Variants in CDH12 observed in about 807,000 individuals in gnomAD.
CDH12 encodes cadherin 12, also known as cadherin-12.
Under a neutral mutation model 74.1 loss-of-function variants are expected in CDH12, and 41 were observed. The observed-to-expected ratio is 0.55, with a 90% CI of 0.43 to 0.72. The LOEUF is 0.72. Ranked by LOEUF, CDH12 falls within the 30% of genes least tolerant of loss-of-function variation. The probability of loss-of-function intolerance (pLI) is 0.00; values close to 1 mark genes in which losing one functional copy is unlikely to be tolerated. For synonymous variants in CDH12, 399 were observed against 355.0 expected (o/e 1.12, Z -1.39); for missense variants, 945 against 977.2 (o/e 0.97, Z 0.44).
At chr5:22,063,573 A>T (rs1741344137) in intron 5 of CDH12, among the ~76,000 whole-genome samples, 1 of 151,972 alleles carries the variant, frequency 6.6e-6, no homozygotes, top group Non-Finnish European at 1.5e-5. Flanking sequence ...TTCTTTTAAC[A>T]GACTAACTGA....
intron 1 of CDH12, among the ~76,000 whole-genome samples, chr5:22,757,796 A>G (rs2127049182): frequency 6.6e-6 from 1 of 152,306 alleles, no homozygotes; most frequent in East Asian, 1.9e-4. Context: ...GTCCCAAAAG[A>G]AATCCCCTAA....
intron 1 of CDH12, among the ~76,000 whole-genome samples, chr5:22,758,684 T>C (rs1415043023): frequency 2.0e-5 from 3 of 152,114 alleles, no homozygotes; most frequent in Non-Finnish European, 4.4e-5. Context: ...AATTGTAACA[T>C]CATATTTTCT....
intron 4 of CDH12, among the ~76,000 whole-genome samples, chr5:22,148,634 G>T (rs1747364253): frequency 6.6e-6 from 1 of 152,106 alleles, no homozygotes; most frequent in Admixed American, 6.5e-5. Context: ...GGTTCCTTCT[G>T]GAGCCTCTTA....
intron 4 of CDH12, among the ~76,000 whole-genome samples, chr5:22,156,059 GAT>G (rs929676051): frequency 6.6e-6 from 1 of 151,744 alleles, no homozygotes; most frequent in Admixed American, 6.6e-5. Context: ...TTTGCTTACT[GAT>G]ATATATATAT....
At chr5:21,844,865 C>T (rs1286912482) in intron 7 of CDH12, among the ~76,000 whole-genome samples, 1 of 152,102 alleles carries the variant, frequency 6.6e-6, no homozygotes, top group African/African-American at 2.4e-5. Flanking sequence ...CTTCTGCTAG[C>T]ATCTATTTGG....
intron 1 of CDH12, among the ~76,000 whole-genome samples, chr5:22,812,569 T>G (rs1749203420): frequency 6.6e-6 from 1 of 152,154 alleles, no homozygotes; most frequent in Non-Finnish European, 1.5e-5. Flanking sequence ...TGACAGTGTC[T>G]GAGTCTGACA....
At chr5:21,956,229 G>T (rs1274110111) in intron 6 of CDH12, among the ~76,000 whole-genome samples, 1 of 151,648 alleles carries the variant, frequency 6.6e-6, no homozygotes. Flanking sequence ...TGAAATACAG[G>T]TCAGTAGAAT....
In CDH12 at chr5:22,528,096, C is replaced by T. The variant is rs140082740; in HGVS notation, c.-522-22732G>A. On this transcript the variant is annotated intron_variant, in intron 1 of 14. Coordinates refer to ENST00000382254, the MANE Select transcript of CDH12 (RefSeq NM_004061.5). ...ACACTTTGTACCTAACCTTTAGGGC[C>T]CTGTATAGAATTCAGATTAGTTAGA... Among the ~76,000 whole-genome samples the T allele has an allele frequency of 2.6e-4, 40 of 152,176 alleles. 1 individual carries two copies. In the East Asian group the frequency reaches 7.3e-3, roughly 28 times the overall value.
intron 8 of CDH12, among the ~76,000 whole-genome samples, chr5:21,833,262 T>C (rs1432494962): frequency 2.8e-5 from 1 of 35,856 alleles, no homozygotes; most frequent in African/African-American, 3.9e-4. Context: ...TTATATAACA[T>C]ATAATATATA....
chr5:21,874,660 C>T (rs1751834741), intron 6 of CDH12, among the ~76,000 whole-genome samples: 1 of 152,134 alleles, frequency 6.6e-6, no homozygotes, highest in African/African-American at 2.4e-5. Flanking sequence ...TCTGTGTTTG[C>T]TACAGCTTGA....
chr5:22,265,432 A>G (rs1753669653), intron 3 of CDH12, among the ~76,000 whole-genome samples: 1 of 152,192 alleles, frequency 6.6e-6, no homozygotes, highest in Admixed American at 6.6e-5. Context: ...CTTCAGGAAT[A>G]CTTAACTACT....
chr5:21,899,142 T>G lies in CDH12; in HGVS notation c.527-44352A>C, dbSNP rs186910971. ...CCTTAACATCTAAATTTAACAATCA[T>G]AAATACCATGGAGTTATCTGTGATC... is the stretch of plus-strand genomic sequence containing the variant. On this transcript the variant is annotated intron_variant, in intron 6 of 14. Coordinates refer to ENST00000382254, the MANE Select transcript of CDH12 (RefSeq NM_004061.5). Among the ~76,000 whole-genome samples the G allele has an allele frequency of 1.6e-3, 240 of 152,326 alleles. 2 individuals carry two copies. Among genetic ancestry groups the G allele is most frequent in the African/African-American group, 5.3e-3 (219 of 41,584 alleles).
chr5:22,064,902 C>G (rs139841347), intron 5 of CDH12, among the ~76,000 whole-genome samples: 2 of 152,132 alleles, frequency 1.3e-5, no homozygotes, highest in East Asian at 3.9e-4. Context: ...GGCTGAAATA[C>G]AAGAAAAATT....
intron 13 of CDH12, among the ~76,000 whole-genome samples, chr5:21,758,770 T>C (rs2149868041): frequency 6.6e-6 from 1 of 152,248 alleles, no homozygotes; most frequent in East Asian, 1.9e-4. Context: ...GTGTACACCA[T>C]GCAATAGTTC....
At chr5:22,111,435 C>T (rs1306317242) in intron 4 of CDH12, among the ~76,000 whole-genome samples, 4 of 152,200 alleles carry the variant, frequency 2.6e-5, no homozygotes, top group East Asian at 1.9e-4. Flanking sequence ...GATCATAAAT[C>T]TAGGAACGTT....
chr5:22,580,353 G>C, intron 1 of CDH12: 1 of 463,234 alleles, frequency 2.2e-6, no homozygotes, highest in East Asian at 6.5e-5. Context: ...CAAGTCACCA[G>C]CTCTGAAAAT....
At chr5:22,440,700 A>G (rs1336717322) in intron 2 of CDH12, among the ~76,000 whole-genome samples, 2 of 151,896 alleles carry the variant, frequency 1.3e-5, no homozygotes, top group Admixed American at 6.6e-5. Flanking sequence ...TGTCATTCCA[A>G]CCTTTGAACT....
intron 3 of CDH12, among the ~76,000 whole-genome samples, chr5:22,282,236 A>T (rs1736921109): frequency 6.6e-6 from 1 of 152,310 alleles, no homozygotes; most frequent in East Asian, 1.9e-4. Context: ...TTATAAAAAT[A>T]TTAACTCAAG....
chr5:22,708,532 A>G (rs1460198272), intron 1 of CDH12, among the ~76,000 whole-genome samples: 1 of 152,130 alleles, frequency 6.6e-6, no homozygotes, highest in Non-Finnish European at 1.5e-5. Flanking sequence ...TCCTGAGACA[A>G]AGGGTATGGT....
Sources: allele counts gnomAD v4.1 joint callset (sites outside exome capture counted in the v4.1 genomes callset), GRCh38; gene constraint gnomAD v4.1.1; transcripts MANE v1.5; gene names NCBI Gene and HGNC (gene_info 2026-07-23, HGNC 2026-07-21).